Variants in PROS1 observed in about 807,000 individuals in gnomAD.
PROS1 encodes the protein vitamin K-dependent protein S.
PROS1 carries 29 observed loss-of-function variants against 75.9 expected under a neutral mutation model. The ratio of observed to expected loss-of-function variants is 0.38; its 90% CI spans 0.28 to 0.52. The LOEUF is 0.52. Ranked by LOEUF, PROS1 falls within the 20% of genes least tolerant of loss-of-function variation. The pLI is 0.83. For missense variants in PROS1, 680 were observed against 810.3 expected (o/e 0.84, Z 1.95); for synonymous variants, 245 against 280.6 (o/e 0.87, Z 1.27).
At chr3:93,910,578 G>A (rs1434923437) in intron 4 of PROS1, 41 bp downstream of exon 4, 20 of 1,513,558 alleles carry the variant, frequency 1.3e-5, no homozygotes, top group Non-Finnish European at 1.6e-5. Flanking sequence ...TACCTACAGA[G>A]TTTTTGTTTT....
intron 1 of PROS1, among the ~76,000 whole-genome samples, chr3:93,950,866 C>T (rs139711559): frequency 1.8e-4 from 27 of 152,166 alleles, no homozygotes; most frequent in East Asian, 1.5e-3. Context: ...AGGCTTCAGA[C>T]GATCAGTAAC....
At chr3:93,876,477 T>C (rs537780999) in intron 14 of PROS1, among the ~76,000 whole-genome samples, 16 of 150,402 alleles carry the variant, frequency 1.1e-4, no homozygotes, top group Middle Eastern at 3.5e-3. Flanking sequence ...TAGTCCCAGC[T>C]ACTCGGGAGG....
At chr3:93,889,600 A>C (rs1314778397) in intron 10 of PROS1, among the ~76,000 whole-genome samples, 1 of 152,146 alleles carries the variant, frequency 6.6e-6, no homozygotes, top group Non-Finnish European at 1.5e-5. Flanking sequence ...AGCAAGGAAA[A>C]TCTCTTGCTA....
intron 6 of PROS1, among the ~76,000 whole-genome samples, chr3:93,901,818 G>A (rs1326712459): frequency 6.6e-6 from 1 of 152,072 alleles, no homozygotes; most frequent in Non-Finnish European, 1.5e-5. Context: ...CTATCATTTT[G>A]TAAACTCTTA....
At chr3:93,923,927 A>T (rs146438245) in intron 3 of PROS1, among the ~76,000 whole-genome samples, 1 of 151,802 alleles carries the variant, frequency 6.6e-6, no homozygotes, top group Non-Finnish European at 1.5e-5. Flanking sequence ...CAGTTAACCC[A>T]TGAAAACGCA....
At chr3:93,884,675 T>C in intron 12 of PROS1, 53 bp downstream of exon 12, 12 of 1,515,980 alleles carry the variant, frequency 7.9e-6, no homozygotes, top group Non-Finnish European at 1.1e-5. Context: ...TGTTTGTTAA[T>C]GAATAAATTT....
chr3:93,876,862 T>G, intron 14 of PROS1, 104 bp downstream of exon 14: 1 of 768,232 alleles, frequency 1.3e-6, no homozygotes, highest in South Asian at 2.2e-5. Context: ...AATACTGGAT[T>G]TTATGTTCCC....
At chr3:93,919,355 A>C (rs2107190644) in intron 3 of PROS1, among the ~76,000 whole-genome samples, 1 of 152,042 alleles carries the variant, frequency 6.6e-6, no homozygotes, top group Middle Eastern at 3.4e-3. Flanking sequence ...ATTTCTAAGG[A>C]GAGGCAGCAT....
chr3:93,905,701 C>T (rs1389184436), intron 6 of PROS1, 83 bp downstream of exon 6: 7 of 1,474,208 alleles, frequency 4.7e-6, no homozygotes, highest in Non-Finnish European at 6.6e-6. Context: ...TATCATTTTT[C>T]CAAAAATTTG....
At chr3:93,942,649 C>T (rs1466253469) in intron 1 of PROS1, among the ~76,000 whole-genome samples, 1 of 152,200 alleles carries the variant, frequency 6.6e-6, no homozygotes, top group Non-Finnish European at 1.5e-5. Flanking sequence ...GGTTCTTGGA[C>T]CAAGGAAAAT....
chr3:93,948,710 T>C (rs547308627), intron 1 of PROS1, among the ~76,000 whole-genome samples: 1 of 152,222 alleles, frequency 6.6e-6, no homozygotes, highest in African/African-American at 2.4e-5. Flanking sequence ...AAAGATTATA[T>C]TTTAGTTCTC....
At chr3:93,943,066 C>T (rs1034301650) in intron 1 of PROS1, among the ~76,000 whole-genome samples, 1 of 152,164 alleles carries the variant, frequency 6.6e-6, no homozygotes, top group Non-Finnish European at 1.5e-5. Flanking sequence ...TTGGGCTTCC[C>T]ACCTCTATAC....
At chr3:93,875,923 T>C (rs1283145962) in intron 14 of PROS1, among the ~76,000 whole-genome samples, 2 of 152,172 alleles carry the variant, frequency 1.3e-5, no homozygotes, top group African/African-American at 4.8e-5. Context: ...AGTGAAATAT[T>C]GGTGCCAATT....
At chr3:93,944,762 C>T (rs1036379331) in intron 1 of PROS1, among the ~76,000 whole-genome samples, 28 of 151,952 alleles carry the variant, frequency 1.8e-4, no homozygotes, top group Non-Finnish European at 3.8e-4. Context: ...GAAGCAAGAG[C>T]AAACACATTC....
At chr3:93,893,328 A>G (rs1708459343) in intron 9 of PROS1, among the ~76,000 whole-genome samples, 1 of 152,144 alleles carries the variant, frequency 6.6e-6, no homozygotes, top group African/African-American at 2.4e-5. Context: ...TTAAGTTATT[A>G]TATTTTCTTG....
At chr3:93,934,280 C>A (rs1223651623) in intron 1 of PROS1, among the ~76,000 whole-genome samples, 1 of 151,524 alleles carries the variant, frequency 6.6e-6, no homozygotes, top group Non-Finnish European at 1.5e-5. Flanking sequence ...ATTACATTAA[C>A]TATAAAATAC....
intron 1 of PROS1, among the ~76,000 whole-genome samples, chr3:93,957,898 G>A (rs1255512593): frequency 6.6e-6 from 1 of 152,050 alleles, no homozygotes; most frequent in Non-Finnish European, 1.5e-5. Flanking sequence ...AGACCAGCCT[G>A]GCCAACATGG....
At chr3:93,890,584 T>G (rs1353140605) in intron 10 of PROS1, among the ~76,000 whole-genome samples, 1 of 152,186 alleles carries the variant, frequency 6.6e-6, no homozygotes, top group African/African-American at 2.4e-5. Context: ...ATTTCTCTCT[T>G]TGTACTCTTT....
In PROS1 at chr3:93,905,776, G is replaced by T. The variant is rs1338057772; in HGVS notation, c.601+8C>A. 6.2e-7 allele frequency: 1 copy of T among 1,610,364 alleles called. No homozygotes were observed. Among genetic ancestry groups the T allele is most frequent in the Non-Finnish European group, 8.5e-7 (1 of 1,176,914 alleles). ...AAATGTGTTTTAATTCTACCATCCT[G>T]CTCTTACCTTTACAATCTTTCTTAT... On this transcript the variant is annotated splice_region_variant and intron_variant, in intron 6 of 14. Coordinates refer to ENST00000394236, the MANE Select transcript of PROS1 (RefSeq NM_000313.4).
Sources: allele counts gnomAD v4.1 joint callset (sites outside exome capture counted in the v4.1 genomes callset), GRCh38; gene constraint gnomAD v4.1.1; transcripts MANE v1.5; gene names NCBI Gene and HGNC (gene_info 2026-07-23, HGNC 2026-07-21).